ANO2: variants seen among roughly 807,000 people sequenced by gnomAD.
ANO2 encodes the protein anoctamin 2, also known as anoctamin-2.
A neutral mutation model predicts 124.2 loss-of-function variants in ANO2; 101 were observed. The observed-to-expected ratio is 0.81, with a 90% CI of 0.69 to 0.96. ANO2 has a LOEUF of 0.96. Ranked by LOEUF, ANO2 falls within the 40% of genes least tolerant of loss-of-function variation. ANO2 has a pLI of 0.00. For synonymous variants in ANO2, 486 were observed against 482.5 expected (o/e 1.01, Z -0.09); for missense variants, 1,293 against 1,274.5 (o/e 1.01, Z -0.22).
intron 10 of ANO2, among the ~76,000 whole-genome samples, chr12:5,759,875 G>T (rs1220181028): frequency 6.6e-6 from 1 of 151,816 alleles, no homozygotes; most frequent in African/African-American, 2.4e-5. Context: ...AAAGCCAAGA[G>T]AATTTATTAC....
At chr12:5,730,854 T>C (rs1057488198) in intron 14 of ANO2, among the ~76,000 whole-genome samples, 1 of 152,240 alleles carries the variant, frequency 6.6e-6, no homozygotes, top group East Asian at 1.9e-4. Context: ...CATAAGGCAT[T>C]AGATGCTTTG....
intron 3 of ANO2, among the ~76,000 whole-genome samples, chr12:5,871,737 T>A (rs560616989): frequency 1.3e-5 from 2 of 152,262 alleles, no homozygotes; most frequent in Non-Finnish European, 2.9e-5. Context: ...GCCAAAAAGG[T>A]TGGGGACCAC....
intron 7 of ANO2, among the ~76,000 whole-genome samples, chr12:5,816,619 T>C (rs1953619250): frequency 6.6e-6 from 1 of 152,164 alleles, no homozygotes; most frequent in South Asian, 2.1e-4. Context: ...CATTTCTGAC[T>C]CAAGATGTAA....
chr12:5,854,398 C>A lies in ANO2; in HGVS notation c.535-257G>T, dbSNP rs912830808. Reference sequence around the variant, plus strand: ...CCCTGGAAGTTTGGTAGCTTCAGAGCAAAAAAAAAAAAAAAAAAAAAACAA... The same window carrying A: ...CCCTGGAAGTTTGGTAGCTTCAGAGAAAAAAAAAAAAAAAAAAAAAAACAA... On this transcript the variant is annotated intron_variant, in intron 3 of 24. Coordinates refer to ENST00000682330, the MANE Select transcript of ANO2 (RefSeq NM_001364791.2). Among the ~76,000 whole-genome samples, 1,139 of 76,034 alleles carry A rather than the reference C, an allele frequency of 0.015. No individual in the cohort carries two copies. Among genetic ancestry groups the A allele is most frequent in the African/African-American group, 0.017 (292 of 16,814 alleles). 49.9% of individuals were successfully genotyped at this position (76,034 alleles called of 152,430 possible).
intron 4 of ANO2, among the ~76,000 whole-genome samples, chr12:5,842,987 G>A (rs1245974413): frequency 1.3e-5 from 2 of 152,142 alleles, no homozygotes; most frequent in African/African-American, 4.8e-5. Flanking sequence ...CAAAGAGCAT[G>A]CACTGAAAAG....
chr12:5,791,875 G>C (rs1952708236), intron 10 of ANO2, among the ~76,000 whole-genome samples: 1 of 152,082 alleles, frequency 6.6e-6, no homozygotes, highest in Non-Finnish European at 1.5e-5. Flanking sequence ...CCACTTTAAT[G>C]AATGTTATAA....
In ANO2 at chr12:5,739,344, C is replaced by G; in HGVS notation, c.1407G>C (p.Trp469Cys). ...KRLQMRLGYF[W>C]DLTGIEEEEE... ...CTTCCTCTTCTATGCCAGTCAGGTC[C>G]CAAAAGTAGCCCAGTCGCATCTGTA... The change falls in exon 13 of 25, where the codon TGG becomes TGC. Residue 469 changes from tryptophan to cysteine, a missense_variant. Trp to Cys is a radical substitution (Grantham distance 215). Transcript: ENST00000682330. The G allele has an allele frequency of 6.2e-7, 1 of 1,607,002 alleles. No homozygotes were observed. The highest frequency in any genetic ancestry group is 2.2e-5 in the East Asian group (1 of 44,716).
At chr12:5,885,836 C>G (rs1319496133) in intron 3 of ANO2, among the ~76,000 whole-genome samples, 3 of 152,196 alleles carry the variant, frequency 2.0e-5, no homozygotes, top group African/African-American at 7.2e-5. Flanking sequence ...TGAATCAACA[C>G]CTACTCAAGA....
intron 4 of ANO2, among the ~76,000 whole-genome samples, chr12:5,843,549 CA>C (rs879886150): frequency 7.6e-5 from 11 of 145,318 alleles, no homozygotes; most frequent in East Asian, 2.0e-4. Context: ...GATTCCATCT[CA>C]AAAAAAAAAT....
At chr12:5,644,965 G>C (rs145725993) in intron 15 of ANO2, among the ~76,000 whole-genome samples, 60 of 151,888 alleles carry the variant, frequency 4.0e-4, no homozygotes, top group African/African-American at 1.3e-3. Flanking sequence ...TTTGCCTTTG[G>C]ATTTAAGGCT....
intron 10 of ANO2, 45 bp downstream of exon 10, chr12:5,799,462 C>T: frequency 6.6e-7 from 1 of 1,518,028 alleles, no homozygotes; most frequent in Non-Finnish European, 9.1e-7. Context: ...TCTTTCAGGA[C>T]TTGCATCTCC....
rs558752994 is a variant in ANO2 at position 5,599,476 on chromosome 12, G to A, written c.2233+8C>T. On this transcript the variant is annotated splice_region_variant and intron_variant, in intron 20 of 24. Transcript: ENST00000682330. The stretch of plus-strand genomic sequence containing the variant: ...CCCCCAGTGGAAGGCAGGACCATGG[G>A]TTCTCACTCATTTCCATGTACTCCG... 2 of 1,600,996 alleles carry A rather than the reference G, an allele frequency of 1.2e-6. No individual in the cohort carries two copies. The highest frequency in any genetic ancestry group is 1.1e-5 in the South Asian group (1 of 87,496).
chr12:5,936,072 T>C (rs750980517), intron 1 of ANO2, among the ~76,000 whole-genome samples: 68 of 152,258 alleles, frequency 4.5e-4, no homozygotes, highest in Non-Finnish European at 7.9e-4. Flanking sequence ...CTTTTGCTCA[T>C]TTTAAAATCA....
intron 20 of ANO2, 69 bp from the exon 21 acceptor site, chr12:5,578,587 C>T: frequency 6.7e-7 from 1 of 1,502,522 alleles, no homozygotes. Context: ...TGGCTTGCAG[C>T]TACAGCCCCT....
At chr12:5,906,905 G>T (rs1002766476) in intron 3 of ANO2, among the ~76,000 whole-genome samples, 33 of 152,202 alleles carry the variant, frequency 2.2e-4, no homozygotes, top group African/African-American at 7.7e-4. Context: ...GGCAAGCATA[G>T]CTCTAGAAGG....
intron 4 of ANO2, chr12:5,851,944 G>C (rs779163195): frequency 1.3e-6 from 1 of 742,416 alleles, no homozygotes; most frequent in South Asian, 1.4e-5. Context: ...ATGGGCATTA[G>C]AGTTTTGCTC....
chr12:5,773,643 T>C (rs1243745383), intron 10 of ANO2, among the ~76,000 whole-genome samples: 1 of 152,196 alleles, frequency 6.6e-6, no homozygotes, highest in East Asian at 1.9e-4. Context: ...ACAATCTTTC[T>C]AGCTTAAGAA....
intron 10 of ANO2, among the ~76,000 whole-genome samples, chr12:5,795,357 T>A (rs1952815383): frequency 6.6e-6 from 1 of 152,198 alleles, no homozygotes; most frequent in South Asian, 2.1e-4. Context: ...GTGGGCTTCA[T>A]GCCCAGGGCC....
At chr12:5,624,210 A>G (rs2136922338) in intron 16 of ANO2, among the ~76,000 whole-genome samples, 1 of 151,762 alleles carries the variant, frequency 6.6e-6, no homozygotes, top group East Asian at 1.9e-4. Context: ...TCCTTTTAAG[A>G]AAAAAGGGAC....
Sources: gnomAD v4.1 joint callset for allele counts (sites outside exome capture counted in the v4.1 genomes callset) on GRCh38, gnomAD v4.1.1 for gene constraint, MANE v1.5 for transcripts, NCBI Gene and HGNC (gene_info 2026-07-23, HGNC 2026-07-21) for gene names.